The following SSBP2 variants were observed in gnomAD, a reference collection of about 807,000 sequenced individuals.
SSBP2 encodes single stranded DNA binding protein 2.
SSBP2 carries 17 observed loss-of-function variants against 61.8 expected under a neutral mutation model. The observed-to-expected ratio is 0.28, with a 90% CI of 0.19 to 0.41. The LOEUF (loss-of-function observed/expected upper bound fraction) is 0.41, where lower values mean the gene tolerates loss of function less well. Among genes scored for constraint, SSBP2 ranks in the 10% least tolerant of loss-of-function variants. The probability of loss-of-function intolerance (pLI) is 1.00; values close to 1 mark genes in which losing one functional copy is unlikely to be tolerated. For missense variants in SSBP2, 310 were observed against 458.7 expected (o/e 0.68, Z 2.96); for synonymous variants, 139 against 141.3 (o/e 0.98, Z 0.12).
chr5:81,472,952 T>A (rs1765348074), intron 8 of SSBP2, among the ~76,000 whole-genome samples: 1 of 152,216 alleles, frequency 6.6e-6, no homozygotes, highest in East Asian at 1.9e-4. Context: ...AAGAAAAGGG[T>A]AACAGTTACC....
intron 8 of SSBP2, among the ~76,000 whole-genome samples, chr5:81,469,563 C>A (rs754834918): frequency 9.9e-5 from 15 of 151,836 alleles, no homozygotes; most frequent in Non-Finnish European, 1.9e-4. Flanking sequence ...TGTATCTATA[C>A]TTCCTGCTAA....
chr5:81,520,951 A>G (rs938174058), intron 4 of SSBP2, among the ~76,000 whole-genome samples: 1 of 151,920 alleles, frequency 6.6e-6, no homozygotes, highest in East Asian at 1.9e-4. Context: ...CCTTGAATCT[A>G]TTTTGTCCAA....
At chr5:81,451,157 C>A (rs1409785800) in intron 10 of SSBP2, among the ~76,000 whole-genome samples, 1 of 152,130 alleles carries the variant, frequency 6.6e-6, no homozygotes, top group Non-Finnish European at 1.5e-5. Flanking sequence ...CATGAAATTC[C>A]TGAATATTTA....
intron 1 of SSBP2, among the ~76,000 whole-genome samples, chr5:81,678,958 A>T (rs943512042): frequency 2.0e-5 from 3 of 152,178 alleles, no homozygotes; most frequent in Non-Finnish European, 2.9e-5. Context: ...CTACATTTTT[A>T]AAAAAGGAAG....
At chr5:81,647,008 T>C (rs1326292579) in intron 2 of SSBP2, among the ~76,000 whole-genome samples, 4 of 152,164 alleles carry the variant, frequency 2.6e-5, no homozygotes, top group African/African-American at 4.8e-5. Context: ...TAGCAAACTA[T>C]TGTAATTTAA....
chr5:81,640,743 C>G (rs958400097), intron 2 of SSBP2, among the ~76,000 whole-genome samples: 1 of 151,400 alleles, frequency 6.6e-6, no homozygotes, highest in Non-Finnish European at 1.5e-5. Flanking sequence ...ACCTACGTCT[C>G]GTCCTTCTCT....
chr5:81,707,333 T>C (rs1754465805), intron 1 of SSBP2, among the ~76,000 whole-genome samples: 1 of 152,092 alleles, frequency 6.6e-6, no homozygotes, highest in South Asian at 2.1e-4. Context: ...TCACTGAAGA[T>C]GTGATCAGTT....
chr5:81,577,033 T>C (rs1355947561), intron 4 of SSBP2, among the ~76,000 whole-genome samples: 1 of 152,184 alleles, frequency 6.6e-6, no homozygotes, highest in Non-Finnish European at 1.5e-5. Flanking sequence ...ATTAAATGTT[T>C]CGTGCATATT....
At chr5:81,458,784 C>T (rs1405822903) in intron 10 of SSBP2, among the ~76,000 whole-genome samples, 2 of 152,158 alleles carry the variant, frequency 1.3e-5, no homozygotes, top group African/African-American at 4.8e-5. Context: ...CTCCTTAATA[C>T]TTTTTGCTTC....
At chr5:81,605,173 G>T (rs1281754337) in intron 4 of SSBP2, among the ~76,000 whole-genome samples, 4 of 147,692 alleles carry the variant, frequency 2.7e-5, no homozygotes, top group African/African-American at 9.8e-5. Flanking sequence ...TCCCTCAACA[G>T]AGAGAGTTCT....
intron 15 of SSBP2, among the ~76,000 whole-genome samples, chr5:81,433,679 T>C (rs921838496): frequency 2.0e-5 from 3 of 152,170 alleles, no homozygotes; most frequent in African/African-American, 7.2e-5. Flanking sequence ...TTTTGTTTCA[T>C]TGATTAAATG....
intron 4 of SSBP2, among the ~76,000 whole-genome samples, chr5:81,539,017 G>A (rs976794772): frequency 2.6e-5 from 4 of 152,174 alleles, no homozygotes; most frequent in African/African-American, 9.7e-5. Context: ...ATTTCATAAG[G>A]CTTTAACTGC....
intron 4 of SSBP2, among the ~76,000 whole-genome samples, chr5:81,599,027 C>A (rs568030646): frequency 6.6e-6 from 1 of 152,256 alleles, no homozygotes; most frequent in East Asian, 1.9e-4. Context: ...ATTACCATCA[C>A]TGCCTTTATA....
chr5:81,447,794 T>C (rs1763498427), intron 11 of SSBP2: 1 of 152,228 alleles, frequency 6.6e-6, no homozygotes, highest in South Asian at 2.1e-4. Flanking sequence ...TAAAATGATA[T>C]ATCAGCCTTA....
intron 5 of SSBP2, among the ~76,000 whole-genome samples, chr5:81,500,932 G>C (rs1767660684): frequency 6.6e-6 from 1 of 151,396 alleles, no homozygotes; most frequent in Non-Finnish European, 1.5e-5. Flanking sequence ...TACATCTTGA[G>C]GCCAGGCACG....
At chr5:81,470,473 T>G (rs1393803811) in intron 8 of SSBP2, among the ~76,000 whole-genome samples, 1 of 151,816 alleles carries the variant, frequency 6.6e-6, no homozygotes, top group African/African-American at 2.4e-5. Flanking sequence ...AAACCTTTAT[T>G]TCTTCATACA....
intron 4 of SSBP2, among the ~76,000 whole-genome samples, chr5:81,580,125 G>A (rs1774530416): frequency 6.6e-6 from 1 of 151,802 alleles, no homozygotes; most frequent in African/African-American, 2.4e-5. Flanking sequence ...TGTGAGGAAT[G>A]GGAGTGGTTG....
intron 4 of SSBP2, among the ~76,000 whole-genome samples, chr5:81,566,984 T>G (rs1339110920): frequency 6.6e-6 from 1 of 152,188 alleles, no homozygotes; most frequent in Non-Finnish European, 1.5e-5. Context: ...AGAGGTGACT[T>G]GGGTGCTGTT....
At chr5:81,740,623 C>G (rs572314000) in intron 1 of SSBP2, among the ~76,000 whole-genome samples, 2 of 152,260 alleles carry the variant, frequency 1.3e-5, no homozygotes, top group African/African-American at 4.8e-5. Context: ...ACAAAAGAGA[C>G]TCATAATTAC....
Sources: allele counts gnomAD v4.1 joint callset (sites outside exome capture counted in the v4.1 genomes callset), GRCh38; gene constraint gnomAD v4.1.1; transcripts MANE v1.5; gene names NCBI Gene and HGNC (gene_info 2026-07-23, HGNC 2026-07-21).